The following CERS4 variants were observed in gnomAD, a reference collection of about 807,000 sequenced individuals.
The protein encoded by CERS4 is ceramide synthase 4.
Under a neutral mutation model 51.8 loss-of-function variants are expected in CERS4, and 65 were observed. The ratio of observed to expected loss-of-function variants is 1.26; its 90% confidence interval spans 1.03 to 1.54. The LOEUF (loss-of-function observed/expected upper bound fraction) is 1.54, where lower values mean the gene tolerates loss of function less well. Ranked by LOEUF, CERS4 falls within the 40% of genes most tolerant of loss-of-function variation. CERS4 has a pLI of 0.00. For synonymous variants in CERS4, 228 were observed against 208.4 expected (o/e 1.09, Z -0.81); for missense variants, 563 against 500.4 (o/e 1.13, Z -1.19).
chr19:8,244,821 AC>A (rs1446823699), intron 2 of CERS4, among the ~76,000 whole-genome samples: 2 of 148,870 alleles, frequency 1.3e-5, no homozygotes, highest in Middle Eastern at 6.9e-3. Flanking sequence ...GTGAGCCACC[AC>A]CCCCGGCTGC....
chr19:8,260,832 TC>T (rs1454737722), intron 10 of CERS4, among the ~76,000 whole-genome samples: 1 of 150,910 alleles, frequency 6.6e-6, no homozygotes, highest in African/African-American at 2.4e-5. Context: ...GGGCCTATAA[TC>T]CCAGCTACTT....
chr19:8,256,906 A>G, intron 8 of CERS4, 43 bp from the exon 9 acceptor site: 2 of 1,613,680 alleles, frequency 1.2e-6, no homozygotes, highest in South Asian at 1.1e-5. Context: ...GGGACCTTCC[A>G]GCATCAAGCC....
At chr19:8,254,890 GCCTCCTTGGGAGATGGGGCC>G (rs1172033071) in intron 4 of CERS4, among the ~76,000 whole-genome samples, 4 of 150,944 alleles carry the variant, frequency 2.6e-5, no homozygotes, top group Admixed American at 6.6e-5. Flanking sequence ...CCCCTTCCCA[GCCTCCTTGGGAGATGGGGCC>G]CCTCCCCTCC....
At position 8,262,260 on chromosome 19, in the gene CERS4, C is replaced by A. The variant is rs1267016882; in HGVS notation, c.*151C>A. On this transcript the variant is annotated 3_prime_UTR_variant, in exon 12 of 12. Transcript: ENST00000251363. Reference sequence around the variant, plus strand: ...AAGGCTGATGATCTGTCTCCAGCCCCTTCCTTCTGCCCACCCACCCTTCTT... The same window carrying A: ...AAGGCTGATGATCTGTCTCCAGCCCATTCCTTCTGCCCACCCACCCTTCTT... The A allele has an allele frequency of 5.1e-6, 4 of 780,868 alleles. No individual in the cohort carries two copies. Among genetic ancestry groups the A allele is most frequent in the Non-Finnish European group, 7.3e-6 (4 of 548,434 alleles). 48.4% of individuals were successfully genotyped at this position (780,868 alleles called of 1,614,324 possible).
At chr19:8,254,207 C>T (rs940959053) in intron 3 of CERS4, among the ~76,000 whole-genome samples, 1 of 148,518 alleles carries the variant, frequency 6.7e-6, no homozygotes, top group Non-Finnish European at 1.5e-5. Context: ...CCTGCAGTCC[C>T]AGCTACTCGG....
chr19:8,233,432 G>A (rs1968104014), intron 2 of CERS4, among the ~76,000 whole-genome samples: 1 of 152,018 alleles, frequency 6.6e-6, no homozygotes. Context: ...CTCCCAGAGT[G>A]CTGGGATTAC....
At chr19:8,234,714 C>G (rs1968163186) in intron 2 of CERS4, among the ~76,000 whole-genome samples, 1 of 115,768 alleles carries the variant, frequency 8.6e-6, no homozygotes, top group Admixed American at 8.9e-5. Context: ...TCACTATGCC[C>G]AGCTAATTTT....
intron 2 of CERS4, among the ~76,000 whole-genome samples, chr19:8,240,183 G>T (rs186848828): frequency 3.9e-5 from 6 of 152,214 alleles, no homozygotes; most frequent in Non-Finnish European, 7.4e-5. Context: ...CCAGCAAGCA[G>T]CAGTTGCTAT....
At chr19:8,224,345 T>G (rs900669568) in intron 2 of CERS4, among the ~76,000 whole-genome samples, 1 of 148,280 alleles carries the variant, frequency 6.7e-6, no homozygotes, top group East Asian at 2.0e-4. Context: ...AGGCGGAGAT[T>G]GCGGTGAGTA....
chr19:8,254,633 C>T lies in CERS4; in HGVS notation c.291+17C>T, dbSNP rs895568664. The T allele has an allele frequency of 1.9e-6, 3 of 1,587,418 alleles. No homozygotes were observed. In the African/African-American group the frequency reaches 4.0e-5, roughly 21 times the overall value. On this transcript the variant is annotated intron_variant, in intron 4 of 11. Transcript: ENST00000251363. ...CCCAAGGAGGTGAGAGCCCCCCATG[C>T]CCTCCGACCCGCACTACTGCCCTGG...
chr19:8,257,956 CTA>C lies in CERS4; in HGVS notation c.820_821del (p.Tyr274HisfsTer55), dbSNP rs753056851. 1 of 1,613,990 alleles carries C rather than the reference CTA, an allele frequency of 6.2e-7. No homozygotes were observed. Among genetic ancestry groups the C allele is most frequent in the South Asian group, 1.1e-5 (1 of 91,074 alleles). On this transcript the variant is annotated frameshift_variant, in exon 10 of 12. Coordinates refer to ENST00000251363, the MANE Select transcript of CERS4 (RefSeq NM_024552.3). LOFTEE classifies it high-confidence loss of function. ...LFLIFSFVFF[Y>X]TRLVLFPTQI... ...TCCTCATCTTCTCCTTTGTCTTCTTCTACACCCGACTGGTCCTCTTTCCCACC... is the reference window on the plus strand; with the variant it reads ...TCCTCATCTTCTCCTTTGTCTTCTTCCACCCGACTGGTCCTCTTTCCCACC...
At chr19:8,258,111 G>A in intron 10 of CERS4, 126 bp downstream of exon 10, 1 of 774,662 alleles carries the variant, frequency 1.3e-6, no homozygotes, top group South Asian at 1.5e-5. Flanking sequence ...CCAGGAGGAG[G>A]CAGGGAAGGG....
intron 2 of CERS4, 145 bp from the exon 3 acceptor site, chr19:8,250,931 T>G (rs1599576312): frequency 2.1e-6 from 3 of 1,455,518 alleles, no homozygotes; most frequent in East Asian, 2.6e-5. Context: ...GCAAGGGGAG[T>G]TCCATCTTCC....
At chr19:8,215,406 G>A (rs1461028841) in intron 2 of CERS4, among the ~76,000 whole-genome samples, 1 of 151,872 alleles carries the variant, frequency 6.6e-6, no homozygotes, top group Non-Finnish European at 1.5e-5. Flanking sequence ...TTGAACCAGG[G>A]GGGCGGAGGT....
At chr19:8,260,329 G>C (rs1348104079) in intron 10 of CERS4, among the ~76,000 whole-genome samples, 2 of 151,234 alleles carry the variant, frequency 1.3e-5, no homozygotes, top group African/African-American at 4.9e-5. Context: ...TGAGTAGCTG[G>C]AATTATAGGC....
At chr19:8,228,012 C>T (rs1326148679) in intron 2 of CERS4, among the ~76,000 whole-genome samples, 1 of 152,076 alleles carries the variant, frequency 6.6e-6, no homozygotes, top group Non-Finnish European at 1.5e-5. Flanking sequence ...CAGGCGCCCG[C>T]CACCACGCCC....
intron 10 of CERS4, chr19:8,261,435 G>C: frequency 1.9e-6 from 1 of 525,670 alleles, no homozygotes; most frequent in Non-Finnish European, 3.4e-6. Flanking sequence ...GAGTTCATAA[G>C]TACCCGCTTG....
At chr19:8,259,270 C>G (rs1240613894) in intron 10 of CERS4, among the ~76,000 whole-genome samples, 1 of 152,098 alleles carries the variant, frequency 6.6e-6, no homozygotes, top group African/African-American at 2.4e-5. Flanking sequence ...CCACGTTGAT[C>G]AGAGGGGAAG....
chr19:8,254,757 T>G, intron 4 of CERS4, 141 bp downstream of exon 4: 1 of 703,380 alleles, frequency 1.4e-6, no homozygotes, highest in African/African-American at 1.8e-5. Context: ...CCACTCTTCA[T>G]CCTCAATTCC....
Sources: gnomAD v4.1 joint callset for allele counts (sites outside exome capture counted in the v4.1 genomes callset) on GRCh38, gnomAD v4.1.1 for gene constraint, MANE v1.5 for transcripts, NCBI Gene and HGNC (gene_info 2026-07-23, HGNC 2026-07-21) for gene names.